Variants in GPR37 observed in about 807,000 individuals in gnomAD.
The protein encoded by GPR37 is G protein-coupled receptor 37.
In GPR37, 20 loss-of-function variants were observed where a neutral mutation model predicts 43.6. The observed-to-expected ratio is 0.46, with a 90% CI of 0.32 to 0.67. The LOEUF is 0.67. Among genes scored for constraint, GPR37 ranks in the 30% least tolerant of loss-of-function variants. GPR37 has a pLI of 0.03. For synonymous variants in GPR37, 315 were observed against 322.6 expected (o/e 0.98, Z 0.25); for missense variants, 724 against 797.2 (o/e 0.91, Z 1.11).
intron 1 of GPR37, among the ~76,000 whole-genome samples, chr7:124,753,144 T>G (rs1485182669): frequency 6.6e-6 from 1 of 152,098 alleles, no homozygotes; most frequent in African/African-American, 2.4e-5. Context: ...AATTTTCTCT[T>G]ATAATGATAA....
intron 1 of GPR37, among the ~76,000 whole-genome samples, chr7:124,756,163 A>T (rs1269305897): frequency 2.6e-5 from 4 of 152,142 alleles, no homozygotes; most frequent in Non-Finnish European, 5.9e-5. Flanking sequence ...CCGATATAAA[A>T]AGGATTTGAA....
In GPR37 at chr7:124,764,244, C is replaced by T. The variant is rs1323508300; in HGVS notation, c.733G>A (p.Val245Met). 4 of 1,597,364 alleles carry T rather than the reference C, an allele frequency of 2.5e-6. No individual in the cohort carries two copies. The Admixed American group carries it at 6.8e-5, about 27-fold the overall frequency. The change falls in exon 1 of 2, where the codon GTG (valine) becomes ATG (methionine). Residue 245 changes from valine to methionine, a missense_variant. Physicochemically the swap from Val to Met is conservative, Grantham distance 21 (BLOSUM62 1). Coordinates refer to ENST00000303921, the MANE Select transcript of GPR37 (RefSeq NM_005302.5). This position sits in a 1 kb window ranked among gnomAD's most constrained non-coding sequence, Gnocchi z 5.4. The stretch of plus-strand genomic sequence containing the variant: ...GGGTAGAAGGGGTTCTTCAGTCTCA[C>T]ACGCCGGTTCGTGCTGTTTCCCCGG... ...PRRGNSTNRRVRLKNPFYPLT... is the reference protein window; with the variant it reads ...PRRGNSTNRRMRLKNPFYPLT...
rs186999788 is a variant in GPR37, at chr7:124,752,761, C to G, written c.1024-5418G>C. 7.9e-4 allele frequency among the ~76,000 whole-genome samples: 121 copies of G among 152,202 alleles called. 1 individual carries two copies. The highest frequency in any genetic ancestry group is 1.2e-4 in the Non-Finnish European group (8 of 67,978). On this transcript the variant is annotated intron_variant, in intron 1 of 1. Transcript: ENST00000303921. ...AAATATCATCTATGTCCTACTTAGT[C>G]TATTAGACTAGGATAACCTTGTGAT...
chr7:124,746,544 G>A lies in GPR37; in HGVS notation c.1823C>T (p.Ser608Phe). ...TGTCCTTCAGCAATGAGTTCCGACA[G>A]AAGCAAAAGTGGACATTTCACGGCG... Reference protein sequence around the residue: ...TIRREMSTFASVGTHC With the variant: ...TIRREMSTFAFVGTHC Residue 608 changes from serine to phenylalanine, a missense_variant, in exon 2 of 2, where the codon TCT becomes TTT. Coordinates refer to ENST00000303921, the MANE Select transcript of GPR37 (RefSeq NM_005302.5). 1 of 1,606,702 alleles carries A rather than the reference G, an allele frequency of 6.2e-7. No individual in the cohort carries two copies. Among genetic ancestry groups the A allele is most frequent in the South Asian group, 1.1e-5 (1 of 89,718 alleles).
chr7:124,748,284 G>A (rs1327658065), intron 1 of GPR37, among the ~76,000 whole-genome samples: 2 of 152,018 alleles, frequency 1.3e-5, no homozygotes, highest in Admixed American at 1.3e-4. Flanking sequence ...GGAAAAAAAT[G>A]GCAAATTCTA....
At chr7:124,754,045 A>T (rs1420932654) in intron 1 of GPR37, among the ~76,000 whole-genome samples, 1 of 152,122 alleles carries the variant, frequency 6.6e-6, no homozygotes, top group Non-Finnish European at 1.5e-5. Flanking sequence ...TTCAAGTCCC[A>T]TGTTTCCCTA....
chr7:124,761,569 T>C (rs1199852698), intron 1 of GPR37, among the ~76,000 whole-genome samples: 3 of 152,192 alleles, frequency 2.0e-5, no homozygotes, highest in Non-Finnish European at 4.4e-5. Context: ...CCTTAATAGG[T>C]TGAACCTGAG....
At chr7:124,749,874 A>T (rs1278462927) in intron 1 of GPR37, among the ~76,000 whole-genome samples, 1 of 152,148 alleles carries the variant, frequency 6.6e-6, no homozygotes, top group African/African-American at 2.4e-5. Flanking sequence ...TCTCCCATAA[A>T]CATTGGCATA....
chr7:124,759,970 G>T (rs1217448432), intron 1 of GPR37, among the ~76,000 whole-genome samples: 2 of 152,142 alleles, frequency 1.3e-5, no homozygotes, highest in Admixed American at 1.3e-4. Context: ...TAACGCTCAA[G>T]CTGTACAGGA....
Position 124,746,624 on chromosome 7 carries a change from A to C in GPR37, c.1743T>G (p.Asp581Glu). ...CCGTGGTGTACTCGTTGTCATTGTC[A>C]TCACTGGTCACCGTTGAAGACTTCT... ...CIQKSSTVTS[D>E]DNDNEYTTEL... The change falls in exon 2 of 2, where the codon GAT becomes GAG. Residue 581 changes from aspartate (D) to glutamate (E), a missense_variant. Physicochemically the swap from Asp to Glu is conservative, Grantham distance 45 (BLOSUM62 2). Coordinates refer to ENST00000303921, the MANE Select transcript of GPR37 (RefSeq NM_005302.5). The C allele has an allele frequency of 6.2e-7, 1 of 1,613,916 alleles. No homozygotes were observed. The highest frequency in any genetic ancestry group is 2.2e-5 in the East Asian group (1 of 44,870).
In GPR37 at chr7:124,765,091, T is replaced by C; in HGVS notation, c.-115A>G. On this transcript the variant is annotated 5_prime_UTR_variant, in exon 1 of 2. Transcript: ENST00000303921. ...TGTCACATACTCACCCCCGCCCGGG[T>C]AGCGGGGAACCGGAGATTAGGGTGA... 1.0e-6 allele frequency: 1 copy of C among 981,276 alleles called. No individual in the cohort carries two copies. Among genetic ancestry groups the C allele is most frequent in the South Asian group, 2.0e-5 (1 of 50,282 alleles). 60.8% of individuals were successfully genotyped at this position (981,276 alleles called of 1,614,324 possible).
chr7:124,757,329 G>A (rs1015876986), intron 1 of GPR37, among the ~76,000 whole-genome samples: 1 of 152,168 alleles, frequency 6.6e-6, no homozygotes, highest in Admixed American at 6.5e-5. Context: ...TAGCTAATAA[G>A]GACTAATTGT....
At position 124,748,110 on chromosome 7, in the gene GPR37, C is replaced by T. The variant is rs555990659; in HGVS notation, c.1024-767G>A. On this transcript the variant is annotated intron_variant, in intron 1 of 1. Transcript: ENST00000303921. ...AGGTGCACAGAGACAGGAAACAGAG[C>T]TGGGGCCAATGTGGGTGGGGATTGG... is the stretch of plus-strand genomic sequence containing the variant. Among the ~76,000 whole-genome samples, 4 of 152,144 alleles carry T rather than the reference C, an allele frequency of 2.6e-5. No homozygotes were observed. The South Asian group carries it at 8.3e-4, about 32-fold the overall frequency.
In GPR37 at chr7:124,764,119, C is replaced by T. The variant is rs1477223349; in HGVS notation, c.858G>A (p.Val286=). 1 of 1,612,616 alleles carries T rather than the reference C, an allele frequency of 6.2e-7. No individual in the cohort carries two copies. Residue 286 remains valine, a synonymous_variant, in exon 1 of 2, where the codon GTG becomes GTA. Transcript: ENST00000303921. The surrounding 1 kb of genome is among the most constrained non-coding windows in gnomAD (Gnocchi z 5.4). ...IIGNLAVMCI[V]CHNYYMRSIS... is the part of the protein sequence containing the mutation. ...TGCTCCGCATGTAGTAGTTGTGGCA[C>T]ACGATGCACATCACCGCCAGGTTGC...
At chr7:124,762,918 G>A (rs1380348739) in intron 1 of GPR37, among the ~76,000 whole-genome samples, 1 of 152,186 alleles carries the variant, frequency 6.6e-6, no homozygotes, top group Admixed American at 6.5e-5. Flanking sequence ...AAATGAAATG[G>A]ACAGTCTGAA....
intron 1 of GPR37, among the ~76,000 whole-genome samples, chr7:124,752,221 T>C (rs1793742264): frequency 6.6e-6 from 1 of 152,130 alleles, no homozygotes. Context: ...TTCCCATTAT[T>C]ATGCCTTTAT....
At chr7:124,749,348 C>T (rs1431839333) in intron 1 of GPR37, among the ~76,000 whole-genome samples, 2 of 151,980 alleles carry the variant, frequency 1.3e-5, no homozygotes, top group Admixed American at 6.6e-5. Context: ...TAAGCTTTTG[C>T]TCTCCCCTGC....
rs140541412 is a variant in GPR37, at chr7:124,746,695, G to T, written c.1672C>A (p.Arg558=). ...CAGCAGCAGCACTCCATGAAGGCCC[G>T]ACTGAAGGGTTTGCAGAGACAGAAA... ...LLFCLCKPFS[R]AFMECCCCCC... The change falls in exon 2 of 2, where the codon CGG becomes AGG. Residue 558 remains arginine (R), a synonymous_variant. Transcript: ENST00000303921. 11 of 1,613,834 alleles carry T rather than the reference G, an allele frequency of 6.8e-6. No homozygotes were observed. The African/African-American group carries it at 1.2e-4, about 18-fold the overall frequency.
intron 1 of GPR37, among the ~76,000 whole-genome samples, chr7:124,748,008 G>A (rs938987209): frequency 1.3e-5 from 2 of 152,182 alleles, no homozygotes; most frequent in African/African-American, 4.8e-5. Flanking sequence ...CATGCTGCGT[G>A]TTTGCCCTAG....
Sources: allele counts gnomAD v4.1 joint callset (sites outside exome capture counted in the v4.1 genomes callset), GRCh38; gene constraint gnomAD v4.1.1; non-coding constraint Gnocchi (gnomAD v3.1); transcripts MANE v1.5; gene names NCBI Gene and HGNC (gene_info 2026-07-23, HGNC 2026-07-21).